The following DLGAP2 variants were observed in gnomAD, a reference collection of about 807,000 sequenced individuals.
DLGAP2 encodes disks large-associated protein 2.
In DLGAP2, 26 loss-of-function variants were observed where a neutral mutation model predicts 100.3. The observed-to-expected ratio is 0.26, with a 90% CI of 0.19 to 0.36. The LOEUF (loss-of-function observed/expected upper bound fraction) is 0.36. Among genes scored for constraint, DLGAP2 ranks in the 10% least tolerant of loss-of-function variants. The probability of loss-of-function intolerance (pLI) is 1.00; values close to 1 mark genes in which losing one functional copy is unlikely to be tolerated. For missense variants in DLGAP2, 1,858 were observed against 1,453.2 expected, an observed-to-expected ratio of 1.28 and a Z score of -4.53; for synonymous variants, 886 against 630.1, an observed-to-expected ratio of 1.41 and a Z score of -6.08.
intron 2 of DLGAP2, among the ~76,000 whole-genome samples, chr8:1,184,846 A>G (rs542270690): frequency 1.4e-4 from 21 of 152,218 alleles, no homozygotes; most frequent in African/African-American, 4.6e-4. Context: ...TTGGCCTTAT[A>G]ATCTCCATGC....
intron 4 of DLGAP2, among the ~76,000 whole-genome samples, chr8:1,504,549 T>A (rs1210589961): frequency 6.6e-6 from 1 of 152,142 alleles, no homozygotes; most frequent in Non-Finnish European, 1.5e-5. Flanking sequence ...ATCCTCCCAG[T>A]TCCCCCCAAC....
chr8:1,253,864 G>T (rs950666004), intron 2 of DLGAP2, among the ~76,000 whole-genome samples: 1 of 152,202 alleles, frequency 6.6e-6, no homozygotes, highest in Non-Finnish European at 1.5e-5. Flanking sequence ...GAAAGGGTCC[G>T]TGCTGCTGTG....
intron 1 of DLGAP2, among the ~76,000 whole-genome samples, chr8:862,813 G>A (rs1053291984): frequency 1.3e-4 from 20 of 152,200 alleles, no homozygotes; most frequent in Admixed American, 1.2e-3. Flanking sequence ...GGTGTTGACT[G>A]AGGATGCACT....
intron 1 of DLGAP2, among the ~76,000 whole-genome samples, chr8:904,127 G>T (rs1358384851): frequency 6.6e-6 from 1 of 152,228 alleles, no homozygotes; most frequent in Non-Finnish European, 1.5e-5. Flanking sequence ...CACTGCATAT[G>T]ACGAGGCCAC....
chr8:1,670,589 A>G (rs968648529), intron 10 of DLGAP2, among the ~76,000 whole-genome samples: 2 of 152,252 alleles, frequency 1.3e-5, no homozygotes, highest in African/African-American at 4.8e-5. Context: ...AATGTTGGGT[A>G]AGCGAGTGGA....
At chr8:1,392,168 C>A (rs1027789946) in intron 3 of DLGAP2, among the ~76,000 whole-genome samples, 1 of 152,196 alleles carries the variant, frequency 6.6e-6, no homozygotes, top group African/African-American at 2.4e-5. Context: ...GAAAACAAGA[C>A]CCCTGAGTTC....
intron 1 of DLGAP2, among the ~76,000 whole-genome samples, chr8:760,934 G>C (rs1305497838): frequency 6.6e-6 from 1 of 152,104 alleles, no homozygotes; most frequent in East Asian, 1.9e-4. Flanking sequence ...ATCAATTTTT[G>C]AGAGGAAGAA....
intron 2 of DLGAP2, among the ~76,000 whole-genome samples, chr8:957,029 G>A (rs1196598259): frequency 1.3e-5 from 2 of 152,192 alleles, no homozygotes; most frequent in African/African-American, 2.4e-5. Flanking sequence ...CCTGTCAGTT[G>A]TCCTGGCTTA....
intron 2 of DLGAP2, among the ~76,000 whole-genome samples, chr8:1,009,477 T>C (rs1801214381): frequency 6.6e-6 from 1 of 152,250 alleles, no homozygotes; most frequent in Non-Finnish European, 1.5e-5. Flanking sequence ...GTATTGCTTC[T>C]GACATTTTCT....
chr8:1,336,546 G>A (rs941288543), intron 3 of DLGAP2, among the ~76,000 whole-genome samples: 12 of 152,220 alleles, frequency 7.9e-5, no homozygotes, highest in African/African-American at 2.9e-4. Context: ...AGCACAGGAA[G>A]GACTTTGGCT....
rs548952560 is a variant in DLGAP2, at chr8:1,354,209, G to T, written c.106+95326G>T. 2.4e-3 allele frequency among the ~76,000 whole-genome samples: 362 copies of T among 152,270 alleles called. 3 individuals are homozygous for T. The South Asian group carries it at 0.026, about 11-fold the overall frequency. ...CCAGTGGGATGTAATTTAAGAAAAA[G>T]AAAATACTTACGGAGGCCAGGCACG... On this transcript the variant is annotated intron_variant, in intron 3 of 14. Transcript: ENST00000637795.
intron 1 of DLGAP2, among the ~76,000 whole-genome samples, chr8:890,025 C>T (rs903783541): frequency 2.0e-5 from 3 of 152,034 alleles, no homozygotes; most frequent in Non-Finnish European, 4.4e-5. Flanking sequence ...GTGTGTTTCT[C>T]GGGTGGCCCC....
chr8:1,545,612 C>G (rs778738763), intron 4 of DLGAP2, among the ~76,000 whole-genome samples: 1 of 152,206 alleles, frequency 6.6e-6, no homozygotes, highest in African/African-American at 2.4e-5. Flanking sequence ...CTAAAAAACC[C>G]GGAGACCTAG....
At chr8:1,135,317 C>G (rs932449098) in intron 2 of DLGAP2, among the ~76,000 whole-genome samples, 1 of 152,130 alleles carries the variant, frequency 6.6e-6, no homozygotes, top group African/African-American at 2.4e-5. Context: ...AAAGCAGCTT[C>G]AGGACACAGT....
At chr8:855,888 G>C (rs143495749) in intron 1 of DLGAP2, among the ~76,000 whole-genome samples, 1 of 152,210 alleles carries the variant, frequency 6.6e-6, no homozygotes, top group East Asian at 1.9e-4. Context: ...CTAGGGATGG[G>C]GGAGAACTTC....
intron 2 of DLGAP2, among the ~76,000 whole-genome samples, chr8:1,187,147 C>G (rs1797522929): frequency 6.6e-6 from 1 of 152,196 alleles, no homozygotes; most frequent in African/African-American, 2.4e-5. Context: ...TACATATTGA[C>G]TGCAATTTAA....
At chr8:1,221,976 C>T (rs548749528) in intron 2 of DLGAP2, among the ~76,000 whole-genome samples, 7 of 152,116 alleles carry the variant, frequency 4.6e-5, no homozygotes, top group Admixed American at 6.6e-5. Context: ...AAATTGTTGT[C>T]GTTCAACTGT....
At chr8:1,408,383 GC>G (rs1309884166) in intron 3 of DLGAP2, among the ~76,000 whole-genome samples, 1 of 152,130 alleles carries the variant, frequency 6.6e-6, no homozygotes, top group African/African-American at 2.4e-5. Context: ...TCAGTTCCAG[GC>G]CCCAGCTCCA....
At chr8:879,959 T>A (rs1398594222) in intron 1 of DLGAP2, among the ~76,000 whole-genome samples, 1 of 152,216 alleles carries the variant, frequency 6.6e-6, no homozygotes, top group Non-Finnish European at 1.5e-5. Context: ...CCCTCGAGTC[T>A]GCAGCCTCCT....
Sources: allele counts gnomAD v4.1 joint callset (sites outside exome capture counted in the v4.1 genomes callset), GRCh38; gene constraint gnomAD v4.1.1; transcripts MANE v1.5; gene names NCBI Gene and HGNC (gene_info 2026-07-23, HGNC 2026-07-21).